SGPP2: variants seen among roughly 807,000 people sequenced by gnomAD.
SGPP2 encodes sphingosine-1-phosphate phosphatase 2.
A neutral mutation model predicts 33.9 loss-of-function variants in SGPP2; 30 were observed. That is an observed-to-expected ratio of 0.89 (90% CI 0.66 to 1.20). The LOEUF is 1.20. SGPP2 is among the 50% of genes most tolerant of loss of function. The pLI is 0.00. For synonymous variants in SGPP2, 233 were observed against 225.0 expected (o/e 1.04, Z -0.32); for missense variants, 458 against 532.1 (o/e 0.86, Z 1.37).
chr2:222,512,228 G>A lies in SGPP2; in HGVS notation c.379-9539G>A, dbSNP rs1037368413. On this transcript the variant is annotated intron_variant, in intron 2 of 4. Transcript: ENST00000321276. ...GGGTTTCACCGTGTTAGCCAGGATG[G>A]TCTCAATCTCCTGACCTCGTGATCC... Among the ~76,000 whole-genome samples the A allele has an allele frequency of 2.6e-5, 4 of 151,266 alleles. No homozygotes were observed. In the South Asian group the frequency reaches 8.4e-4, roughly 32 times the overall value.
upstream of SGPP2, among the ~76,000 whole-genome samples, chr2:222,424,176 T>A (rs956740499): frequency 4.0e-5 from 6 of 149,340 alleles, no homozygotes; most frequent in South Asian, 8.4e-4. Context: ...GGGATCAGCC[T>A]GAGCCCAAAA....
intron 2 of SGPP2, among the ~76,000 whole-genome samples, chr2:222,495,307 G>A (rs770206601): frequency 2.0e-4 from 31 of 152,128 alleles, no homozygotes; most frequent in East Asian, 5.8e-4. Context: ...CCTGCTACTC[G>A]GGAGACTGAG....
chr2:222,452,077 T>C lies in SGPP2; in HGVS notation c.220-22491T>C, dbSNP rs532862403. ...TACTTTTATTTCTTATTCTTGAGGT[T>C]AGATTCTAAACCCTAAAGATATCCA... On this transcript the variant is annotated intron_variant, in intron 1 of 4. Transcript: ENST00000321276. Among the ~76,000 whole-genome samples the C allele has an allele frequency of 6.6e-5, 10 of 152,316 alleles. No individual in the cohort carries two copies. In the South Asian group the frequency reaches 2.1e-3, roughly 32 times the overall value.
intron 4 of SGPP2, among the ~76,000 whole-genome samples, chr2:222,525,399 C>T (rs1213844666): frequency 6.6e-6 from 1 of 152,158 alleles, no homozygotes; most frequent in African/African-American, 2.4e-5. Flanking sequence ...CACTTAGGTC[C>T]TCACAGAGAG....
intron 4 of SGPP2, among the ~76,000 whole-genome samples, chr2:222,556,377 C>G (rs556689663): frequency 1.3e-5 from 2 of 152,006 alleles, no homozygotes; most frequent in East Asian, 3.9e-4. Context: ...TGGTAAAGCC[C>G]TGGAGCCAGG....
chr2:222,552,781 A>T (rs1445433829), intron 4 of SGPP2, among the ~76,000 whole-genome samples: 1 of 152,052 alleles, frequency 6.6e-6, no homozygotes, highest in Non-Finnish European at 1.5e-5. Flanking sequence ...AATCACTTGA[A>T]CCCGGGAGGC....
intron 2 of SGPP2, among the ~76,000 whole-genome samples, chr2:222,517,843 A>G (rs893090): frequency 0.84 from 127,917 of 152,248 alleles, 54,962 homozygotes; most frequent in East Asian, 0.99. Flanking sequence ...CGTCCTGTGA[A>G]GGGGGTCAGG....
intron 3 of SGPP2, among the ~76,000 whole-genome samples, chr2:222,524,151 T>G (rs1022435014): frequency 1.3e-5 from 2 of 152,236 alleles, no homozygotes; most frequent in African/African-American, 4.8e-5. Flanking sequence ...GTTAAGAGCT[T>G]CCTCATTTGT....
intron 1 of SGPP2, among the ~76,000 whole-genome samples, chr2:222,439,638 A>C (rs1387625205): frequency 6.6e-6 from 1 of 152,264 alleles, no homozygotes. Context: ...GGAATGAACA[A>C]TTGATACACA....
At chr2:222,427,015 C>G (rs923056084) in intron 1 of SGPP2, among the ~76,000 whole-genome samples, 1 of 152,330 alleles carries the variant, frequency 6.6e-6, no homozygotes, top group African/African-American at 2.4e-5. Context: ...ACCTTCCAGC[C>G]TAGCTCCCCC....
At chr2:222,463,022 C>T (rs752962004) in intron 1 of SGPP2, among the ~76,000 whole-genome samples, 6 of 152,178 alleles carry the variant, frequency 3.9e-5, no homozygotes, top group African/African-American at 9.7e-5. Flanking sequence ...ACTTCCTCAG[C>T]GACAGCCTCC....
In SGPP2 at chr2:222,474,630, TG is replaced by T; in HGVS notation, c.283del (p.Ala95LeufsTer27). On this transcript the variant is annotated frameshift_variant, in exon 2 of 5. Transcript: ENST00000321276. LOFTEE classifies it high-confidence loss of function. The stretch of plus-strand genomic sequence containing the variant: ...ACTATTACCTATTCCAATTTTCAGC[TG>T]CTTTGGGCCAAGAAGTGTTCTACAT... ...FYYYLFQFSAALGQEVFYITF... is the reference protein window; with the variant it reads ...FYYYLFQFSAXLGQEVFYITF... The T allele has an allele frequency of 6.2e-7, 1 of 1,614,100 alleles. No homozygotes were observed. The highest frequency in any genetic ancestry group is 8.5e-7 in the Non-Finnish European group (1 of 1,179,972).
intron 4 of SGPP2, among the ~76,000 whole-genome samples, chr2:222,537,778 G>A (rs1698935815): frequency 6.6e-6 from 1 of 152,088 alleles, no homozygotes; most frequent in Non-Finnish European, 1.5e-5. Flanking sequence ...GTACAACATT[G>A]GAAATGATCT....
At position 222,477,315 on chromosome 2, in the gene SGPP2, GTA is replaced by G. The variant is rs1251876517; in HGVS notation, c.378+2595_378+2596del. The stretch of plus-strand genomic sequence containing the variant: ...TGTATATGTGTGTATATAGGTGTGA[GTA>G]TATATGTGTGTCTATGTGTGTGTGT... On this transcript the variant is annotated intron_variant, in intron 2 of 4. Transcript: ENST00000321276. This position sits in a 1 kb window ranked among gnomAD's most constrained non-coding sequence, Gnocchi z 6.0. Among the ~76,000 whole-genome samples the G allele has an allele frequency of 6.8e-6, 1 of 148,050 alleles. No individual in the cohort carries two copies. Among genetic ancestry groups the G allele is most frequent in the Admixed American group, 6.7e-5 (1 of 14,940 alleles).
intron 2 of SGPP2, among the ~76,000 whole-genome samples, chr2:222,488,087 C>A (rs563669865): frequency 6.6e-6 from 1 of 152,308 alleles, no homozygotes; most frequent in Non-Finnish European, 1.5e-5. Flanking sequence ...TTATTGCTAT[C>A]AGGTGCGTTT....
intron 2 of SGPP2, among the ~76,000 whole-genome samples, chr2:222,517,128 T>G (rs1205353907): frequency 1.3e-5 from 2 of 152,298 alleles, no homozygotes; most frequent in African/African-American, 4.8e-5. Context: ...TTAAACCATC[T>G]TCCTTTTGAT....
intron 4 of SGPP2, among the ~76,000 whole-genome samples, chr2:222,538,564 T>A (rs559915354): frequency 1.3e-5 from 2 of 152,220 alleles, no homozygotes; most frequent in Non-Finnish European, 2.9e-5. Context: ...TTGTGCCAAG[T>A]CCTCTGCCCT....
At chr2:222,502,451 A>C (rs1049076041) in intron 2 of SGPP2, among the ~76,000 whole-genome samples, 5 of 152,084 alleles carry the variant, frequency 3.3e-5, no homozygotes, top group Admixed American at 1.3e-4. Context: ...TGGATTTCAG[A>C]TTTTTTCAGA....
intron 2 of SGPP2, among the ~76,000 whole-genome samples, chr2:222,509,227 A>G (rs528499472): frequency 6.6e-6 from 1 of 152,134 alleles, no homozygotes; most frequent in South Asian, 2.1e-4. Flanking sequence ...TTCCATGATG[A>G]CCCAACATAA....
Sources: allele counts gnomAD v4.1 joint callset (sites outside exome capture counted in the v4.1 genomes callset), GRCh38; gene constraint gnomAD v4.1.1; non-coding constraint Gnocchi (gnomAD v3.1); transcripts MANE v1.5; gene names NCBI Gene and HGNC (gene_info 2026-07-23, HGNC 2026-07-21).